Variants in GALNTL6 observed in about 807,000 individuals in gnomAD.
GALNTL6 encodes the protein polypeptide N-acetylgalactosaminyltransferase-like 6.
Under a neutral mutation model 73.7 loss-of-function variants are expected in GALNTL6, and 46 were observed. The ratio of observed to expected loss-of-function variants is 0.62; its 90% CI spans 0.49 to 0.80. GALNTL6 has a LOEUF of 0.80. Among genes scored for constraint, GALNTL6 ranks in the 30% least tolerant of loss-of-function variants. The pLI is 0.00. For missense variants in GALNTL6, 604 were observed against 755.0 expected, an observed-to-expected ratio of 0.80 and a Z score of 2.34; for synonymous variants, 259 against 263.7, an observed-to-expected ratio of 0.98 and a Z score of 0.17.
chr4:172,632,339 A>G (rs1485753795), intron 5 of GALNTL6, among the ~76,000 whole-genome samples: 1 of 152,148 alleles, frequency 6.6e-6, no homozygotes, highest in East Asian at 1.9e-4. Context: ...CGTCCTAGAG[A>G]CTTTTTGAAT....
chr4:171,908,105 A>T lies in GALNTL6; in HGVS notation c.138+93387A>T, dbSNP rs1322593132. On this transcript the variant is annotated intron_variant, in intron 2 of 12. Transcript: ENST00000506823. ...CATGGGCAAGGACTTCATGTCTAAA[A>T]CATCAAAAGCAATGGCAACCAAAGC... is the stretch of plus-strand genomic sequence containing the variant. Among the ~76,000 whole-genome samples the T allele has an allele frequency of 3.9e-5, 6 of 152,348 alleles. No individual in the cohort carries two copies. In the East Asian group the frequency reaches 1.2e-3, roughly 29 times the overall value.
intron 5 of GALNTL6, among the ~76,000 whole-genome samples, chr4:172,625,426 A>G (rs572313325): frequency 6.6e-6 from 1 of 152,074 alleles, no homozygotes; most frequent in Admixed American, 6.6e-5. Flanking sequence ...CATTTTCTTT[A>G]TCCAATCTGC....
Position 172,809,283 on chromosome 4 carries a change from A to G in GALNTL6, c.554-78A>G. 2 of 1,152,512 alleles carry G rather than the reference A, an allele frequency of 1.7e-6. No homozygotes were observed. The highest frequency in any genetic ancestry group is 2.6e-6 in the Non-Finnish European group (2 of 776,440). The allele number at this position is 1,152,512 out of a possible 1,614,324, so 71.4% of individuals were successfully genotyped here. ...AGGATTCATCAGTCACATACTCTCT[A>G]TGCACAAACAACCGTGAATAATTCA... On this transcript the variant is annotated intron_variant, in intron 5 of 12. Transcript: ENST00000506823. The surrounding 1 kb of genome is among the most constrained non-coding windows in gnomAD (Gnocchi z 4.4).
chr4:171,878,441 GT>G (rs1736340236), intron 2 of GALNTL6, among the ~76,000 whole-genome samples: 1 of 151,918 alleles, frequency 6.6e-6, no homozygotes, highest in Non-Finnish European at 1.5e-5. Context: ...CTCTGTACAT[GT>G]TTCATTGCTT....
intron 7 of GALNTL6, among the ~76,000 whole-genome samples, chr4:172,822,802 GTTATATCAA>G (rs1043463919): frequency 6.6e-6 from 1 of 152,100 alleles, no homozygotes; most frequent in African/African-American, 2.4e-5. Flanking sequence ...CCATTTACCT[GTTATATCAA>G]CTATTATCCA....
chr4:171,903,479 G>T (rs1246561159), intron 2 of GALNTL6, among the ~76,000 whole-genome samples: 2 of 152,122 alleles, frequency 1.3e-5, no homozygotes, highest in Non-Finnish European at 2.9e-5. Flanking sequence ...CCCTCACGTG[G>T]CTCGGAGGGT....
chr4:172,231,443 T>C (rs1049433665), intron 3 of GALNTL6, among the ~76,000 whole-genome samples: 17 of 152,210 alleles, frequency 1.1e-4, no homozygotes, highest in African/African-American at 3.9e-4. Flanking sequence ...ATTTATTAAA[T>C]TTTATCCAAG....
At chr4:172,905,812 CAAAAAAAAAAA>C (rs397996287) in intron 8 of GALNTL6, among the ~76,000 whole-genome samples, 6 of 69,666 alleles carry the variant, frequency 8.6e-5, no homozygotes, top group Admixed American at 3.2e-4. Context: ...AGAGATCACT[CAAAAAAAAAAA>C]AAAAAAAAAA....
At chr4:172,871,226 T>C (rs1285960291) in intron 7 of GALNTL6, among the ~76,000 whole-genome samples, 2 of 152,196 alleles carry the variant, frequency 1.3e-5, no homozygotes, top group Non-Finnish European at 2.9e-5. Context: ...CCTCTGGAGA[T>C]AATAAAGATG....
At chr4:172,962,421 C>T (rs1036450429) in intron 10 of GALNTL6, among the ~76,000 whole-genome samples, 6 of 152,112 alleles carry the variant, frequency 3.9e-5, no homozygotes, top group Non-Finnish European at 8.8e-5. Context: ...TTTTTGCTAA[C>T]GTCCTTTTTC....
chr4:172,227,334 C>T (rs759744720), intron 2 of GALNTL6, among the ~76,000 whole-genome samples: 2 of 152,142 alleles, frequency 1.3e-5, no homozygotes, highest in East Asian at 3.9e-4. Context: ...CATAGGCTAA[C>T]AACATAGGCT....
chr4:172,381,380 TC>T (rs2111283235), intron 5 of GALNTL6, among the ~76,000 whole-genome samples: 1 of 152,272 alleles, frequency 6.6e-6, no homozygotes, highest in South Asian at 2.1e-4. Context: ...TATAATAGTT[TC>T]ATCACCCCCA....
At chr4:172,535,836 C>G (rs993256555) in intron 5 of GALNTL6, among the ~76,000 whole-genome samples, 1 of 152,126 alleles carries the variant, frequency 6.6e-6, no homozygotes, top group African/African-American at 2.4e-5. Flanking sequence ...AGGTTGGGCC[C>G]TACAAGTGTA....
At chr4:172,875,748 C>CAA in intron 7 of GALNTL6, among the ~76,000 whole-genome samples, 1 of 151,808 alleles carries the variant, frequency 6.6e-6, no homozygotes, top group South Asian at 2.1e-4. Context: ...CACACACACA[C>CAA]ACACACACAC....
At chr4:172,257,236 C>T (rs1738111550) in intron 3 of GALNTL6, among the ~76,000 whole-genome samples, 1 of 151,318 alleles carries the variant, frequency 6.6e-6, no homozygotes, top group African/African-American at 2.4e-5. Flanking sequence ...ACTTTGCACT[C>T]ATTGGCTATC....
chr4:172,377,389 G>A (rs1743071259), intron 5 of GALNTL6, among the ~76,000 whole-genome samples: 1 of 152,226 alleles, frequency 6.6e-6, no homozygotes, highest in African/African-American at 2.4e-5. Flanking sequence ...TAGACACAGA[G>A]TGCTGATTGG....
intron 2 of GALNTL6, among the ~76,000 whole-genome samples, chr4:171,843,252 G>A (rs1214159350): frequency 6.6e-6 from 1 of 151,944 alleles, no homozygotes; most frequent in Non-Finnish European, 1.5e-5. Context: ...GATCATTTAT[G>A]TCCCTAAAGT....
intron 8 of GALNTL6, among the ~76,000 whole-genome samples, chr4:172,886,419 T>A (rs1161569676): frequency 6.6e-6 from 1 of 152,144 alleles, no homozygotes; most frequent in African/African-American, 2.4e-5. Context: ...TTTATTTGAG[T>A]CTTCTCTCTT....
In GALNTL6 at chr4:172,343,816, G is replaced by A. The variant is rs115562279; in HGVS notation, c.387-4707G>A. Among the ~76,000 whole-genome samples, 1,260 of 151,896 alleles carry A rather than the reference G, an allele frequency of 8.3e-3. 15 individuals are homozygous for A. Among genetic ancestry groups the A allele is most frequent in the African/African-American group, 0.029 (1,187 of 41,480 alleles). On this transcript the variant is annotated intron_variant, in intron 4 of 12. Coordinates refer to ENST00000506823, the MANE Select transcript of GALNTL6 (RefSeq NM_001034845.3). ...TTTTTGGATTTTTAAATGCCTTCAC[G>A]ACTTGTCATTTCTCTCAAGTAAATT... is the stretch of plus-strand genomic sequence containing the variant.
Sources: allele counts gnomAD v4.1 joint callset (sites outside exome capture counted in the v4.1 genomes callset), GRCh38; gene constraint gnomAD v4.1.1; non-coding constraint Gnocchi (gnomAD v3.1); transcripts MANE v1.5; gene names NCBI Gene and HGNC (gene_info 2026-07-23, HGNC 2026-07-21).